Variants in CHRDL1 observed in about 807,000 individuals in gnomAD.
CHRDL1 encodes the protein chordin-like protein 1.
CHRDL1 carries 19 observed loss-of-function variants against 40.9 expected under a neutral mutation model. The observed-to-expected ratio is 0.46, with a 90% CI of 0.32 to 0.68. The LOEUF (loss-of-function observed/expected upper bound fraction) is 0.68. CHRDL1 is among the 30% of genes least tolerant of loss of function. CHRDL1 has a pLI of 0.03. For synonymous variants in CHRDL1, 136 were observed against 123.4 expected (o/e 1.10, Z -0.68); for missense variants, 329 against 352.1 (o/e 0.93, Z 0.53).
intron 9 of CHRDL1, among the ~76,000 whole-genome samples, chrX:110,686,255 C>G (rs1412967552): frequency 9.0e-6 from 1 of 111,072 alleles, no homozygotes; most frequent in Non-Finnish European, 1.9e-5. Flanking sequence ...AAAGCAATGA[C>G]TGTTGTTTGT....
Position 110,751,246 on chromosome X carries a change from C to A in CHRDL1, c.301+8415G>T, listed in dbSNP as rs560683908. On this transcript the variant is annotated intron_variant, in intron 4 of 11. Transcript: ENST00000372042. ...GTTTAGGGTCTTGTGCTAAAATTGC[C>A]TACTACCCTAACAAACTTCTCCAAA... Among the ~76,000 whole-genome samples, 11 of 111,740 alleles carry A rather than the reference C, an allele frequency of 9.8e-5. No homozygotes were observed. In the South Asian group the frequency reaches 4.2e-3, roughly 42 times the overall value.
chrX:110,714,322 CTG>C, intron 6 of CHRDL1, among the ~76,000 whole-genome samples: 2 of 111,613 alleles, frequency 1.8e-5, no homozygotes, highest in Middle Eastern at 9.3e-3. Context: ...ATTCACAATT[CTG>C]AAGACACAGA....
At chrX:110,781,320 G>A (rs1412139137) in intron 2 of CHRDL1, among the ~76,000 whole-genome samples, 1 of 111,103 alleles carries the variant, frequency 9.0e-6, no homozygotes, top group African/African-American at 3.3e-5. Context: ...CTACAAGGTG[G>A]CTCCTTCAAA....
At chrX:110,786,860 A>C (rs1420837091) in intron 2 of CHRDL1, among the ~76,000 whole-genome samples, 1 of 112,138 alleles carries the variant, frequency 8.9e-6, no homozygotes, top group African/African-American at 3.2e-5. Context: ...TGGGTTAGAA[A>C]ATTTTTATTC....
At chrX:110,738,821 C>G (rs768624580) in intron 4 of CHRDL1, among the ~76,000 whole-genome samples, 3 of 110,914 alleles carry the variant, frequency 2.7e-5, no homozygotes, top group Non-Finnish European at 5.7e-5. Context: ...CTCTGAATGC[C>G]CTGGTAGCCA....
At chrX:110,777,270 C>T (rs1461134960) in intron 2 of CHRDL1, among the ~76,000 whole-genome samples, 1 of 111,770 alleles carries the variant, frequency 8.9e-6, no homozygotes, top group Non-Finnish European at 1.9e-5. Context: ...TTGGCTGCTT[C>T]CAAGTTTTCG....
Position 110,762,677 on chromosome X carries a change from T to C in CHRDL1, c.207+18A>G. 9.3e-6 allele frequency: 9 copies of C among 968,761 alleles called. No homozygotes were observed. Among genetic ancestry groups the C allele is most frequent in the Non-Finnish European group, 1.3e-5 (9 of 681,021 alleles). The allele number at this position is 968,761 out of a possible 1,213,427, so 79.8% of individuals were successfully genotyped here. A position where few individuals can be genotyped will look rare whatever the true frequency, so the allele number is the denominator to read the frequency against. On this transcript the variant is annotated intron_variant, in intron 3 of 11. Transcript: ENST00000372042. ...CTGAGGAGCAAACTGGGAAATCACA[T>C]GTCATGAGAGATTGTACCTCTGAGC...
At chrX:110,755,806 C>T (rs2089443331) in intron 4 of CHRDL1, among the ~76,000 whole-genome samples, 1 of 111,834 alleles carries the variant, frequency 8.9e-6, no homozygotes, top group South Asian at 3.8e-4. Context: ...GCCCTGAAGG[C>T]ATGAGTTTCC....
intron 2 of CHRDL1, among the ~76,000 whole-genome samples, chrX:110,782,038 C>A (rs1396060982): frequency 3.6e-5 from 4 of 111,808 alleles, no homozygotes; most frequent in African/African-American, 1.3e-4. Context: ...GCTGAGCCAT[C>A]TGAATTTTCT....
At chrX:110,768,170 T>C (rs1331037854) in intron 2 of CHRDL1, among the ~76,000 whole-genome samples, 1 of 112,348 alleles carries the variant, frequency 8.9e-6, no homozygotes, top group Non-Finnish European at 1.9e-5. Flanking sequence ...TGATAGATGA[T>C]GCATTGTGTT....
intron 4 of CHRDL1, among the ~76,000 whole-genome samples, chrX:110,732,796 C>G (rs1280752323): frequency 9.1e-6 from 1 of 110,207 alleles, no homozygotes; most frequent in East Asian, 2.9e-4. Flanking sequence ...AGGGGGAGGG[C>G]CCATGTATTC....
intron 4 of CHRDL1, among the ~76,000 whole-genome samples, chrX:110,739,743 C>T (rs892442030): frequency 8.9e-6 from 1 of 112,606 alleles, no homozygotes; most frequent in African/African-American, 3.2e-5. Context: ...CCATATGTTT[C>T]ACTTTAGCCC....
intron 6 of CHRDL1, among the ~76,000 whole-genome samples, chrX:110,709,167 A>T (rs1322818989): frequency 1.8e-5 from 2 of 112,490 alleles, no homozygotes; most frequent in African/African-American, 3.2e-5. Flanking sequence ...GATTAAATGA[A>T]TTAGTATATG....
At chrX:110,748,371 C>A (rs775004636) in intron 4 of CHRDL1, among the ~76,000 whole-genome samples, 2 of 111,825 alleles carry the variant, frequency 1.8e-5, no homozygotes, top group South Asian at 7.6e-4. Context: ...AAGCAGATGA[C>A]AAAACTTGCC....
chrX:110,759,643 AG>A lies in CHRDL1; in HGVS notation c.301+17del, dbSNP rs1301267183. 1 of 1,092,797 alleles carries A rather than the reference AG, an allele frequency of 9.2e-7. No individual in the cohort carries two copies. The highest frequency in any genetic ancestry group is 1.8e-5 in the South Asian group (1 of 54,296). 90.1% of individuals were successfully genotyped at this position (1,092,797 alleles called of 1,213,427 possible). Reference sequence around the variant, plus strand: ...ATGGAGAACCACAGCTAGGAAAGAAAGAGACAAATTGCTTTACCTGGGCAGC... The same window carrying A: ...ATGGAGAACCACAGCTAGGAAAGAAAAGACAAATTGCTTTACCTGGGCAGC... On this transcript the variant is annotated intron_variant, in intron 4 of 11. Coordinates refer to ENST00000372042, the MANE Select transcript of CHRDL1 (RefSeq NM_001143981.2).
intron 6 of CHRDL1, among the ~76,000 whole-genome samples, chrX:110,701,321 G>A (rs990916104): frequency 1.8e-5 from 2 of 111,786 alleles, no homozygotes. Context: ...TATTGCCCTT[G>A]TGTTACCTCT....
Position 110,689,544 on chromosome X carries a change from C to CTCTATATATCTATATATCTATATATA in CHRDL1, c.779-767_779-742dup, listed in dbSNP as rs1569461728. 1.1e-3 allele frequency among the ~76,000 whole-genome samples: 11 copies of CTCTATATATCTATATATCTATATATA among 10,048 alleles called. 5 individuals carry two copies. Among genetic ancestry groups the CTCTATATATCTATATATCTATATATA allele is most frequent in the East Asian group, 2.9e-3 (2 of 680 alleles). The allele number at this position is 10,048 out of a possible 115,157, so 8.7% of individuals were successfully genotyped here. ...TATATCTATCTATATATCTCTATAT[C>CTCTATATATCTATATATCTATATATA]TCTATATATCTATATATCTATATAT... On this transcript the variant is annotated intron_variant, in intron 8 of 11. Transcript: ENST00000372042.
At chrX:110,690,195 G>A (rs1434382360) in intron 8 of CHRDL1, among the ~76,000 whole-genome samples, 2 of 102,915 alleles carry the variant, frequency 1.9e-5, no homozygotes, top group Non-Finnish European at 3.9e-5. Flanking sequence ...ACAGGTGCCC[G>A]CCACCACGCC....
At position 110,689,072 on chromosome X, in the gene CHRDL1, GTATATATATATATATA is replaced by G. The variant is rs758293619; in HGVS notation, c.779-285_779-270del. On this transcript the variant is annotated intron_variant, in intron 8 of 11. Coordinates refer to ENST00000372042, the MANE Select transcript of CHRDL1 (RefSeq NM_001143981.2). ...GTAGGCAGTCCATAAATATATATAT[GTATATATATATATATA>G]TATATATATATATATATATATATAT... Among the ~76,000 whole-genome samples the G allele has an allele frequency of 6.4e-4, 20 of 31,164 alleles. No homozygotes were observed. The South Asian group carries it at 0.013, about 20-fold the overall frequency. 27.1% of individuals were successfully genotyped at this position (31,164 alleles called of 115,157 possible). A position where few individuals can be genotyped will look rare whatever the true frequency, so the allele number is the denominator to read the frequency against.
Sources: gnomAD v4.1 joint callset for allele counts (sites outside exome capture counted in the v4.1 genomes callset) on GRCh38, gnomAD v4.1.1 for gene constraint, MANE v1.5 for transcripts, NCBI Gene and HGNC (gene_info 2026-07-23, HGNC 2026-07-21) for gene names.